IMMP2L: variants seen among roughly 807,000 people sequenced by gnomAD.
IMMP2L encodes inner mitochondrial membrane peptidase subunit 2, also known as mitochondrial inner membrane protease subunit 2.
Under a neutral mutation model 19.3 loss-of-function variants are expected in IMMP2L, and 18 were observed. The observed-to-expected ratio is 0.93, with a 90% CI of 0.64 to 1.38. IMMP2L has a LOEUF of 1.38. Ranked by LOEUF, IMMP2L falls within the 40% of genes most tolerant of loss-of-function variation. IMMP2L has a pLI of 0.00. For synonymous variants in IMMP2L, 76 were observed against 73.0 expected (o/e 1.04, Z -0.21); for missense variants, 233 against 218.2 (o/e 1.07, Z -0.43).
chr7:111,067,526 C>T (rs1249315993), intron 3 of IMMP2L, among the ~76,000 whole-genome samples: 2 of 152,208 alleles, frequency 1.3e-5, no homozygotes, highest in African/African-American at 4.8e-5. Flanking sequence ...TACCAAGTCA[C>T]TGCTCCTTCC....
At chr7:111,195,822 T>C (rs1411119109) in intron 3 of IMMP2L, among the ~76,000 whole-genome samples, 3 of 147,102 alleles carry the variant, frequency 2.0e-5, no homozygotes, top group Non-Finnish European at 4.5e-5. Flanking sequence ...TTGTTTATTT[T>C]ATTTTATTTC....
chr7:111,081,730 G>A (rs116846917), intron 3 of IMMP2L, among the ~76,000 whole-genome samples: 1 of 152,128 alleles, frequency 6.6e-6, no homozygotes, highest in Non-Finnish European at 1.5e-5. Flanking sequence ...ACAGAGGTAA[G>A]AATGACTTCC....
chr7:110,694,854 T>C (rs1374973349), intron 5 of IMMP2L, among the ~76,000 whole-genome samples: 1 of 152,162 alleles, frequency 6.6e-6, no homozygotes, highest in African/African-American at 2.4e-5. Flanking sequence ...TATATCTATC[T>C]ATATCTATAT....
intron 5 of IMMP2L, among the ~76,000 whole-genome samples, chr7:110,876,015 T>G (rs1216538124): frequency 2.6e-5 from 4 of 152,162 alleles, no homozygotes; most frequent in African/African-American, 9.6e-5. Context: ...GAACATTCTA[T>G]ATCATTTCTT....
Position 110,971,408 on chromosome 7 carries a change from T to A in IMMP2L, c.240-7843A>T, listed in dbSNP as rs562538562. ...GATGGGAACGGAGACACTTCAGTGG[T>A]TGCCAGCATTGGGGATTGTTAGTAA... is the stretch of plus-strand genomic sequence containing the variant. On this transcript the variant is annotated intron_variant, in intron 3 of 5. Coordinates refer to ENST00000405709, the MANE Select transcript of IMMP2L (RefSeq NM_032549.4). 3.8e-4 allele frequency among the ~76,000 whole-genome samples: 58 copies of A among 152,198 alleles called. No individual in the cohort carries two copies. The South Asian group carries it at 5.0e-3, about 13-fold the overall frequency.
chr7:111,488,823 G>A lies in IMMP2L; in HGVS notation c.136-1482C>T, dbSNP rs138841505. On this transcript the variant is annotated intron_variant, in intron 2 of 5. Transcript: ENST00000405709. ...GTACTAGTTTACATTGCCACCAGCA[G>A]CGTAAAAGTGTTTCCTTTTCACCAC... Among the ~76,000 whole-genome samples the A allele has an allele frequency of 8.4e-3, 1,285 of 152,190 alleles. 13 individuals are homozygous for A. The highest frequency in any genetic ancestry group is 0.017 in the Middle Eastern group (5 of 294).
chr7:111,452,837 T>G (rs1465627441), intron 3 of IMMP2L, among the ~76,000 whole-genome samples: 1 of 152,178 alleles, frequency 6.6e-6, no homozygotes, highest in African/African-American at 2.4e-5. Context: ...TACTCTTTTC[T>G]ATAGTACTTA....
At chr7:111,553,609 A>G (rs1790928792) in intron 1 of IMMP2L, among the ~76,000 whole-genome samples, 1 of 152,192 alleles carries the variant, frequency 6.6e-6, no homozygotes, top group African/African-American at 2.4e-5. Flanking sequence ...CTTAATTACA[A>G]TAAGCATCTG....
intron 3 of IMMP2L, among the ~76,000 whole-genome samples, chr7:111,354,567 T>A (rs751133168): frequency 6.7e-6 from 1 of 149,886 alleles, no homozygotes; most frequent in African/African-American, 2.5e-5. Flanking sequence ...AGAAAAAAAA[T>A]TGAGATGTAT....
chr7:111,238,412 T>C (rs1024418971), intron 3 of IMMP2L, among the ~76,000 whole-genome samples: 3 of 152,050 alleles, frequency 2.0e-5, no homozygotes, highest in Non-Finnish European at 4.4e-5. Flanking sequence ...ACTACATATA[T>C]TGTTAAGTTT....
chr7:111,423,586 T>C (rs1835794773), intron 3 of IMMP2L, among the ~76,000 whole-genome samples: 1 of 151,878 alleles, frequency 6.6e-6, no homozygotes, highest in Non-Finnish European at 1.5e-5. Flanking sequence ...TTTTATTGTG[T>C]CTATTTGATT....
intron 4 of IMMP2L, among the ~76,000 whole-genome samples, chr7:110,945,991 T>C (rs1416882004): frequency 6.6e-6 from 1 of 152,190 alleles, no homozygotes; most frequent in Non-Finnish European, 1.5e-5. Flanking sequence ...TGTGGGAAGA[T>C]AGCACCATTT....
chr7:111,551,717 A>AC lies in IMMP2L; in HGVS notation c.-3+10133dup, dbSNP rs1166703641. On this transcript the variant is annotated intron_variant, in intron 1 of 5. Coordinates refer to ENST00000405709, the MANE Select transcript of IMMP2L (RefSeq NM_032549.4). ...ATCACTACCACCTCAGCAAAATACA[A>AC]CCTTCTTCATCTGAAGTTTCAGGGA... is the stretch of plus-strand genomic sequence containing the variant. Among the ~76,000 whole-genome samples the AC allele has an allele frequency of 4.6e-5, 7 of 152,176 alleles. No homozygotes were observed. The East Asian group carries it at 1.4e-3, about 29-fold the overall frequency.
chr7:110,913,633 A>C (rs951259034), intron 4 of IMMP2L, among the ~76,000 whole-genome samples: 1 of 152,166 alleles, frequency 6.6e-6, no homozygotes, highest in Admixed American at 6.6e-5. Flanking sequence ...CTTATTTCTC[A>C]ACATAAGCTC....
chr7:111,516,812 A>G (rs1002331799), intron 2 of IMMP2L, among the ~76,000 whole-genome samples: 2 of 152,158 alleles, frequency 1.3e-5, no homozygotes, highest in African/African-American at 4.8e-5. Flanking sequence ...CACGCAAGTA[A>G]GCCAATAAAG....
chr7:110,814,080 T>C (rs1009792808), intron 5 of IMMP2L, among the ~76,000 whole-genome samples: 1 of 151,980 alleles, frequency 6.6e-6, no homozygotes, highest in Non-Finnish European at 1.5e-5. Flanking sequence ...ATTGGCAGGA[T>C]TGGGCTCTCT....
At chr7:110,941,353 C>A (rs1253074771) in intron 4 of IMMP2L, among the ~76,000 whole-genome samples, 1 of 152,108 alleles carries the variant, frequency 6.6e-6, no homozygotes, top group African/African-American at 2.4e-5. Context: ...TTGTGACTGT[C>A]TGGGAAAACT....
In IMMP2L at chr7:111,502,411, C is replaced by T. The variant is rs568706380; in HGVS notation, c.136-15070G>A. On this transcript the variant is annotated intron_variant, in intron 2 of 5. Transcript: ENST00000405709. The stretch of plus-strand genomic sequence containing the variant: ...CCGCTGTCAACATTAGACAGATCAA[C>T]GAGACAGAAAGTTAACAAGGATATC... Among the ~76,000 whole-genome samples, 1,318 of 152,160 alleles carry T rather than the reference C, an allele frequency of 8.7e-3. 24 individuals are homozygous for T. Among genetic ancestry groups the T allele is most frequent in the African/African-American group, 0.03 (1,261 of 41,484 alleles).
intron 4 of IMMP2L, among the ~76,000 whole-genome samples, chr7:110,896,169 C>A (rs1456587737): frequency 6.6e-6 from 1 of 152,018 alleles, no homozygotes; most frequent in African/African-American, 2.4e-5. Context: ...TTTGCGCCAA[C>A]CTAGTAAAAT....
Sources: allele counts gnomAD v4.1 joint callset (sites outside exome capture counted in the v4.1 genomes callset), GRCh38; gene constraint gnomAD v4.1.1; transcripts MANE v1.5; gene names NCBI Gene and HGNC (gene_info 2026-07-23, HGNC 2026-07-21).